Variants in PARP14 observed in about 807,000 individuals in gnomAD.
The protein encoded by PARP14 is poly(ADP-ribose) polymerase family member 14.
Under a neutral mutation model 154.2 loss-of-function variants are expected in PARP14, and 59 were observed. The observed-to-expected ratio is 0.38, with a 90% CI of 0.31 to 0.48. PARP14 has a LOEUF of 0.48. Ranked by LOEUF, PARP14 falls within the 20% of genes least tolerant of loss-of-function variation. PARP14 has a pLI of 0.98. For missense variants in PARP14, 1,734 were observed against 2,131.6 expected, an observed-to-expected ratio of 0.81 and a Z score of 3.67; for synonymous variants, 720 against 780.5, an observed-to-expected ratio of 0.92 and a Z score of 1.29.
At chr3:122,706,983 G>A (rs568180811) in intron 8 of PARP14, among the ~76,000 whole-genome samples, 1 of 152,258 alleles carries the variant, frequency 6.6e-6, no homozygotes, top group Admixed American at 6.5e-5. Context: ...TAACATTGTA[G>A]TTTTTACAAT....
In PARP14 at chr3:122,700,235, G is replaced by A. The variant is rs1352673010; in HGVS notation, c.1681G>A (p.Ala561Thr). The stretch of plus-strand genomic sequence containing the variant: ...AGAATTCTCTAAGTGTCTTTTCATA[G>A]CACAGAAGATTCTTGCACTTTATGA... ...WKEFSKCLFI[A>T]QKILALYELE... Residue 561 changes from alanine to threonine, a missense_variant, in exon 6 of 17, where the codon GCA becomes ACA. Ala to Thr is a moderately conservative substitution (Grantham distance 58, BLOSUM62 0). Coordinates refer to ENST00000474629, the MANE Select transcript of PARP14 (RefSeq NM_017554.3). 3 of 1,612,084 alleles carry A rather than the reference G, an allele frequency of 1.9e-6. No individual in the cohort carries two copies. Among genetic ancestry groups the A allele is most frequent in the Non-Finnish European group, 2.5e-6 (3 of 1,178,786 alleles).
intron 5 of PARP14, 28 bp from the exon 6 acceptor site, chr3:122,699,362 T>C: frequency 2.8e-6 from 4 of 1,425,896 alleles, no homozygotes; most frequent in Non-Finnish European, 2.9e-6. Context: ...ATCCTGGGCT[T>C]ACATTATTTT....
rs755577326 is a variant in PARP14, at chr3:122,700,456, C to T, written c.1902C>T (p.Ile634=). 2 of 1,613,202 alleles carry T rather than the reference C, an allele frequency of 1.2e-6. No individual in the cohort carries two copies. Among genetic ancestry groups the T allele is most frequent in the Admixed American group, 3.3e-5 (2 of 59,932 alleles). ...ATTCCTCCCCAAACACTGTAATCAT[C>T]AATGAGTTAACTTCAGAAACCACAG... ...KQNSSPNTVI[I]NELTSETTAE... is the part of the protein sequence containing the mutation. Residue 634 remains isoleucine, a synonymous_variant, in exon 6 of 17, where the codon ATC becomes ATT. Transcript: ENST00000474629.
chr3:122,703,527 A>C (rs1939051987), intron 6 of PARP14, among the ~76,000 whole-genome samples: 1 of 152,194 alleles, frequency 6.6e-6, no homozygotes, highest in African/African-American at 2.4e-5. Context: ...ATGCCATACC[A>C]TTCATAGATT....
In PARP14 at chr3:122,704,641, G is replaced by A. The variant is rs973106112; in HGVS notation, c.3433G>A (p.Ala1145Thr). The change falls in exon 8 of 17, where the codon GCT becomes ACT. Residue 1145 changes from alanine to threonine, a missense_variant. Physicochemically the swap from Ala to Thr is moderately conservative, Grantham distance 58. Around this residue, in one of 2 missense-constraint regions of PARP14, gnomAD observed 1,646 missense variants for 1,976.0 expected, o/e 0.83. Transcript: ENST00000474629. ...GNLGFPKNIF[A>T]ELIISEVFKF... is the part of the protein sequence containing the mutation. ...CTTGGGATTTCCTAAAAACATATTC[G>A]CTGAATTAATCATTTCAGAGGTGTT... The A allele has an allele frequency of 6.9e-6, 11 of 1,604,046 alleles. No individual in the cohort carries two copies. Among genetic ancestry groups the A allele is most frequent in the African/African-American group, 2.7e-5 (2 of 74,728 alleles).
In PARP14 at chr3:122,700,957, C is replaced by G; in HGVS notation, c.2403C>G (p.Gly801=). Residue 801 remains glycine (G), a synonymous_variant, in exon 6 of 17, where the codon GGC becomes GGG. Coordinates refer to ENST00000474629, the MANE Select transcript of PARP14 (RefSeq NM_017554.3). ...KCFSRTVLAP[G]VVLIVQQGDL... ...TCTCTCGGACAGTCTTGGCCCCTGG[C>G]GTTGTGCTGATTGTGCAGCAGGGTG... is the stretch of plus-strand genomic sequence containing the variant. The G allele has an allele frequency of 6.2e-7, 1 of 1,613,886 alleles. No individual in the cohort carries two copies. Among genetic ancestry groups the G allele is most frequent in the Non-Finnish European group, 8.5e-7 (1 of 1,179,856 alleles).
At position 122,685,187 on chromosome 3, in the gene PARP14, C is replaced by T. The variant is rs758006066; in HGVS notation, c.190C>T (p.Arg64Trp). 44 of 1,613,328 alleles carry T rather than the reference C, an allele frequency of 2.7e-5. No homozygotes were observed. Among genetic ancestry groups the T allele is most frequent in the Non-Finnish European group, 3.4e-5 (40 of 1,179,608 alleles). ...TTTCCCCCCTTTGGACATTTCAGTTCGGCAGAAGGTTCTGGAGAGAAAAAA... is the reference window on the plus strand; with the variant it reads ...TTTCCCCCCTTTGGACATTTCAGTTTGGCAGAAGGTTCTGGAGAGAAAAAA... ...FLVFFYPEDV[R>W]QKVLERKNHE... The change falls in exon 2 of 17, where the codon CGG becomes TGG. Residue 64 changes from arginine to tryptophan, a missense_variant and splice_region_variant. Arg to Trp is a moderately radical substitution (Grantham distance 101). Coordinates refer to ENST00000474629, the MANE Select transcript of PARP14 (RefSeq NM_017554.3).
rs1180572246 is a variant in PARP14 at position 122,681,035 on chromosome 3, C to T, written c.152C>T (p.Pro51Leu). 1 of 1,613,626 alleles carries T rather than the reference C, an allele frequency of 6.2e-7. No individual in the cohort carries two copies. The highest frequency in any genetic ancestry group is 1.7e-5 in the Admixed American group (1 of 60,018). The change falls in exon 1 of 17, where the codon CCA (proline) becomes CTA (leucine). Residue 51 changes from proline to leucine, a missense_variant. Pro to Leu is a moderately conservative substitution (Grantham distance 98, BLOSUM62 -3). This residue lies in a region of PARP14 where 1,646 missense variants were observed against 1,976.0 expected (regional missense o/e 0.83). Transcript: ENST00000474629. This position sits in a 1 kb window ranked among gnomAD's most constrained non-coding sequence, Gnocchi z 5.5. ...ECEVRQDPRS[P>L]SRFLVFFYPE... Reference sequence around the variant, plus strand: ...GAGGTCCGCCAGGATCCCAGGAGCCCATCCCGCTTCCTGGTGTTCTTCTAC... The same window carrying T: ...GAGGTCCGCCAGGATCCCAGGAGCCTATCCCGCTTCCTGGTGTTCTTCTAC...
At chr3:122,710,487 A>T (rs1939289954) in intron 9 of PARP14, among the ~76,000 whole-genome samples, 1 of 152,100 alleles carries the variant, frequency 6.6e-6, no homozygotes, top group African/African-American at 2.4e-5. Flanking sequence ...AAGTTGGGTA[A>T]TGTGATGTCT....
chr3:122,695,712 CA>C (rs1287807241), intron 5 of PARP14, 50 bp downstream of exon 5: 2 of 832,030 alleles, frequency 2.4e-6, no homozygotes, highest in Non-Finnish European at 4.0e-6. Flanking sequence ...CCATTATTAG[CA>C]GAGCTTAATA....
At position 122,718,400 on chromosome 3, in the gene PARP14, C is replaced by A; in HGVS notation, c.4249C>A (p.His1417Asn). The A allele has an allele frequency of 6.2e-7, 1 of 1,612,750 alleles. No homozygotes were observed. The highest frequency in any genetic ancestry group is 8.5e-7 in the Non-Finnish European group (1 of 1,179,542). The change falls in exon 14 of 17, where the codon CAT (histidine) becomes AAT (asparagine). Residue 1417 changes from histidine (H) to asparagine (N), a missense_variant. Transcript: ENST00000474629. ...FSKQSPQKKN[H>N]LVLEKKTESA... ...AAAGCAATCTCCCCAAAAAAAGAAT[C>A]ATTTGGTTTTGGAAAAGAAAACAGA...
intron 14 of PARP14, among the ~76,000 whole-genome samples, chr3:122,719,735 G>C (rs148002007): frequency 1.1e-3 from 162 of 152,318 alleles, no homozygotes; most frequent in Admixed American, 1.6e-3. Flanking sequence ...TGTCACCACA[G>C]CTTGTCACAT....
rs1013642895 is a variant in PARP14 at position 122,718,565 on chromosome 3, T to C, written c.4414T>C (p.Tyr1472His). 3 of 1,613,632 alleles carry C rather than the reference T, an allele frequency of 1.9e-6. No homozygotes were observed. The highest frequency in any genetic ancestry group is 2.5e-6 in the Non-Finnish European group (3 of 1,179,754). The change falls in exon 14 of 17, where the codon TAT becomes CAT. Residue 1472 changes from tyrosine (Y) to histidine (H), a missense_variant. Tyr to His is a moderately conservative substitution (Grantham distance 83). Transcript: ENST00000474629. ...CATCAAAGACTTTGATGAAAAGGAG[T>C]ATCAGGAGTTGAATGAGCTGCAGAA... ...ECIKDFDEKE[Y>H]QELNELQKKL...
intron 14 of PARP14, among the ~76,000 whole-genome samples, chr3:122,719,400 C>T (rs927011686): frequency 6.6e-5 from 10 of 152,146 alleles, no homozygotes; most frequent in Admixed American, 3.3e-4. Context: ...ACTGATAATC[C>T]AGGGAGGATC....
At chr3:122,720,831 A>C (rs995675282) in intron 15 of PARP14, 12 of 456,612 alleles carry the variant, frequency 2.6e-5, no homozygotes, top group Admixed American at 2.6e-4. Flanking sequence ...TGGGCAGGTG[A>C]ATGTGATGAT....
rs1163271038 is a variant in PARP14, at chr3:122,700,384, T to C, written c.1830T>C (p.His610=). 1.9e-6 allele frequency: 3 copies of C among 1,613,878 alleles called. No homozygotes were observed. Among genetic ancestry groups the C allele is most frequent in the Middle Eastern group, 1.6e-4 (1 of 6,062 alleles). The change falls in exon 6 of 17, where the codon CAT becomes CAC. Residue 610 remains histidine (H), a synonymous_variant. Coordinates refer to ENST00000474629, the MANE Select transcript of PARP14 (RefSeq NM_017554.3). ...AAGTTGAGAACAAAGAAGTTCTTCA[T>C]GGCAAGAAATGGAAAGGGCTCACTC... The part of the protein sequence containing the change: ...RIEVENKEVL[H]GKKWKGLTHN...
At chr3:122,685,882 G>T (rs1477512799) in intron 2 of PARP14, among the ~76,000 whole-genome samples, 2 of 152,094 alleles carry the variant, frequency 1.3e-5, no homozygotes, top group Non-Finnish European at 2.9e-5. Flanking sequence ...GGTGGTTTTG[G>T]ATGTAAAATT....
At position 122,695,603 on chromosome 3, in the gene PARP14, C is replaced by T. The variant is rs758456178; in HGVS notation, c.776C>T (p.Ala259Val). Residue 259 changes from alanine (A) to valine (V), a missense_variant, in exon 5 of 17, where the codon GCC becomes GTC. Transcript: ENST00000474629. Reference protein sequence around the residue: ...ENPYNGGGRVANVEYFPEESS... With the variant: ...ENPYNGGGRVVNVEYFPEESS... Reference sequence around the variant, plus strand: ...CCCTATAATGGAGGGGGAAGAGTTGCCAATGTTGAATATTTTCCTGAAGAG... The same window carrying T: ...CCCTATAATGGAGGGGGAAGAGTTGTCAATGTTGAATATTTTCCTGAAGAG... 31 of 1,610,314 alleles carry T rather than the reference C, an allele frequency of 1.9e-5. No individual in the cohort carries two copies. Among genetic ancestry groups the T allele is most frequent in the Non-Finnish European group, 2.6e-5 (31 of 1,177,204 alleles).
At position 122,699,875 on chromosome 3, in the gene PARP14, G is replaced by A. The variant is rs759868904; in HGVS notation, c.1321G>A (p.Asp441Asn). Residue 441 changes from aspartate to asparagine, a missense_variant, in exon 6 of 17, where the codon GAT becomes AAT. Asp to Asn is a conservative substitution (Grantham distance 23, BLOSUM62 1). Coordinates refer to ENST00000474629, the MANE Select transcript of PARP14 (RefSeq NM_017554.3). ...GGTAATCTTAGCAGGGAAATCAGAG[G>A]ATGTCCAAAGCATTGAGGTACAAGT... ...EMVILAGKSE[D>N]VQSIEVQVRE... The A allele has an allele frequency of 1.9e-6, 3 of 1,613,836 alleles. No individual in the cohort carries two copies. Among genetic ancestry groups the A allele is most frequent in the African/African-American group, 1.3e-5 (1 of 74,928 alleles).
Sources: gnomAD v4.1 joint callset for allele counts (sites outside exome capture counted in the v4.1 genomes callset) on GRCh38, gnomAD v4.1.1 for gene constraint, gnomAD v4.1.1 regional missense constraint, Gnocchi (gnomAD v3.1) non-coding constraint, MANE v1.5 for transcripts, NCBI Gene and HGNC (gene_info 2026-07-23, HGNC 2026-07-21) for gene names.